GSE1: variants seen among roughly 807,000 people sequenced by gnomAD.
GSE1 encodes genetic suppressor element 1.
Under a neutral mutation model 112.6 loss-of-function variants are expected in GSE1, and 32 were observed. The ratio of observed to expected loss-of-function variants is 0.28; its 90% CI spans 0.21 to 0.38. The LOEUF (loss-of-function observed/expected upper bound fraction) is 0.38, where lower values mean the gene tolerates loss of function less well. Among genes scored for constraint, GSE1 ranks in the 10% least tolerant of loss-of-function variants. GSE1 has a pLI of 1.00. For missense variants in GSE1, 2,348 were observed against 1,699.2 expected (o/e 1.38, Z -6.71); for synonymous variants, 1,115 against 735.6 (o/e 1.52, Z -8.35).
At chr16:85,643,509 C>G (rs2050614735) in intron 2 of GSE1, among the ~76,000 whole-genome samples, 1 of 149,040 alleles carries the variant, frequency 6.7e-6, no homozygotes, top group Admixed American at 6.7e-5. Context: ...CCTCTTTCTT[C>G]CTCACCCACT....
At chr16:85,522,017 C>T (rs577590731) in intron 2 of GSE1, among the ~76,000 whole-genome samples, 1 of 152,324 alleles carries the variant, frequency 6.6e-6, no homozygotes, top group African/African-American at 2.4e-5. Flanking sequence ...ATGGGAACCT[C>T]TCCAGAGCCT....
intron 7 of GSE1, 39 bp from the exon 8 acceptor site, chr16:85,657,238 C>T (rs767516318): frequency 1.7e-5 from 24 of 1,404,486 alleles, no homozygotes; most frequent in Admixed American, 6.7e-5. Flanking sequence ...TGCTGGCCCA[C>T]GTGGCTGAGA....
chr16:85,523,695 G>A (rs57881068), intron 2 of GSE1, among the ~76,000 whole-genome samples: 8,205 of 152,318 alleles, frequency 0.054, 488 homozygotes, highest in African/African-American at 0.15. Flanking sequence ...CTGGGTTCCA[G>A]TGTCACTGCA....
At chr16:85,616,722 G>C (rs1012621871) in intron 1 of GSE1, among the ~76,000 whole-genome samples, 2 of 151,940 alleles carry the variant, frequency 1.3e-5, no homozygotes, top group African/African-American at 4.8e-5. Flanking sequence ...GATCTCGGTG[G>C]CCTCACCGAG....
chr16:85,292,828 C>G (rs2045261905), intron 1 of GSE1, among the ~76,000 whole-genome samples: 1 of 152,220 alleles, frequency 6.6e-6, no homozygotes, highest in South Asian at 2.1e-4. Context: ...ACACCCGTCA[C>G]CTCTGTGTGG....
At chr16:85,541,126 G>A (rs904060282) in intron 2 of GSE1, among the ~76,000 whole-genome samples, 5 of 152,068 alleles carry the variant, frequency 3.3e-5, no homozygotes, top group Non-Finnish European at 5.9e-5. Context: ...GGTGGGAGTA[G>A]GCAGCTGCAT....
At chr16:85,632,378 C>A (rs2049611351) in intron 1 of GSE1, among the ~76,000 whole-genome samples, 1 of 152,152 alleles carries the variant, frequency 6.6e-6, no homozygotes, top group African/African-American at 2.4e-5. Flanking sequence ...TCAGGCAGTG[C>A]CCCCAGCCCT....
At chr16:85,206,098 G>A (rs955914986) in intron 1 of GSE1, among the ~76,000 whole-genome samples, 10 of 152,016 alleles carry the variant, frequency 6.6e-5, no homozygotes, top group African/African-American at 1.9e-4. Context: ...TGGGGAGGCC[G>A]GGAGGCATCT....
intron 2 of GSE1, among the ~76,000 whole-genome samples, chr16:85,483,496 C>T (rs949198995): frequency 3.3e-5 from 5 of 152,258 alleles, no homozygotes; most frequent in Admixed American, 3.3e-4. Context: ...CCCAGCGCAG[C>T]CCAGCACACA....
At chr16:85,348,406 G>C (rs116712694) in intron 1 of GSE1, among the ~76,000 whole-genome samples, 1 of 152,094 alleles carries the variant, frequency 6.6e-6, no homozygotes, top group African/African-American at 2.4e-5. Context: ...CCACCTTTGC[G>C]GAGGAGGAAG....
chr16:85,613,427 G>GGGT, intron 1 of GSE1, 29 bp downstream of exon 1: 1 of 1,543,316 alleles, frequency 6.5e-7, no homozygotes, highest in Non-Finnish European at 8.8e-7. Context: ...GCCGGGGACG[G>GGGT]GGTCCTCCCC....
At chr16:85,612,989 G>A (rs1306019476), upstream of GSE1, among the ~76,000 whole-genome samples, 3 of 152,330 alleles carry the variant, frequency 2.0e-5, no homozygotes, top group East Asian at 1.9e-4. Context: ...AGGGGCTCCC[G>A]AGAGTGTGGG....
intron 1 of GSE1, among the ~76,000 whole-genome samples, chr16:85,584,503 G>A (rs962112430): frequency 6.6e-6 from 1 of 152,256 alleles, no homozygotes; most frequent in African/African-American, 2.4e-5. Flanking sequence ...GTCTCCGTGA[G>A]GTTTGGGAGA....
intron 11 of GSE1, chr16:85,664,473 T>C (rs3812967): frequency 0.054 from 8,295 of 152,310 alleles, 806 homozygotes; most frequent in African/African-American, 0.19. Flanking sequence ...CAAAGCATCT[T>C]TTTCCCTGAA....
chr16:85,258,545 G>A (rs982009139), intron 1 of GSE1, among the ~76,000 whole-genome samples: 1 of 152,098 alleles, frequency 6.6e-6, no homozygotes, highest in Non-Finnish European at 1.5e-5. Context: ...ACCCCTTCCC[G>A]CCTGCCCTCC....
At chr16:85,631,451 G>C (rs1242028071) in intron 1 of GSE1, among the ~76,000 whole-genome samples, 3 of 152,218 alleles carry the variant, frequency 2.0e-5, no homozygotes, top group Non-Finnish European at 2.9e-5. Context: ...CACGGGGCTT[G>C]TGGGCAGGGT....
intron 3 of GSE1, among the ~76,000 whole-genome samples, chr16:85,652,399 A>G (rs2051438247): frequency 6.6e-6 from 1 of 152,230 alleles, no homozygotes; most frequent in African/African-American, 2.4e-5. Context: ...GCAGGGCGTC[A>G]GTGCCCATGT....
In GSE1 at chr16:85,373,064, G is replaced by A. The variant is rs1474866650; in HGVS notation, c.2464+15421G>A. On this transcript the variant is annotated intron_variant, in intron 2 of 2. Transcript: ENST00000637419. The surrounding 1 kb of genome is among the most constrained non-coding windows in gnomAD (Gnocchi z 5.1). Reference sequence around the variant, plus strand: ...AGAAGTTCTCCAGAATCACCTGCACGGCTTTGACTGTGAGGGCAGTGGGCT... The same window carrying A: ...AGAAGTTCTCCAGAATCACCTGCACAGCTTTGACTGTGAGGGCAGTGGGCT... Among the ~76,000 whole-genome samples the A allele has an allele frequency of 1.3e-5, 2 of 152,256 alleles. No individual in the cohort carries two copies. Among genetic ancestry groups the A allele is most frequent in the African/African-American group, 4.8e-5 (2 of 41,472 alleles).
intron 2 of GSE1, among the ~76,000 whole-genome samples, chr16:85,534,070 C>T (rs1467545627): frequency 2.0e-5 from 3 of 151,920 alleles, no homozygotes; most frequent in African/African-American, 2.4e-5. Flanking sequence ...CACAGCCAAG[C>T]CTTGGCAACT....
Sources: allele counts gnomAD v4.1 joint callset (sites outside exome capture counted in the v4.1 genomes callset), GRCh38; gene constraint gnomAD v4.1.1; non-coding constraint Gnocchi (gnomAD v3.1); transcripts MANE v1.5; gene names NCBI Gene and HGNC (gene_info 2026-07-23, HGNC 2026-07-21).